CCSER1: variants seen among roughly 807,000 people sequenced by gnomAD.
CCSER1 encodes the protein serine-rich coiled-coil domain-containing protein 1.
In CCSER1, 41 loss-of-function variants were observed where a neutral mutation model predicts 82.0. That is an observed-to-expected ratio of 0.50 (90% CI 0.39 to 0.65). The LOEUF (loss-of-function observed/expected upper bound fraction) is 0.65, where lower values mean the gene tolerates loss of function less well. Ranked by LOEUF, CCSER1 falls within the 30% of genes least tolerant of loss-of-function variation. CCSER1 has a pLI of 0.00. For missense variants in CCSER1, 1,119 were observed against 1,064.2 expected, an observed-to-expected ratio of 1.05 and a Z score of -0.72; for synonymous variants, 414 against 383.9, an observed-to-expected ratio of 1.08 and a Z score of -0.92.
At chr4:90,992,736 C>T (rs10015428) in intron 9 of CCSER1, among the ~76,000 whole-genome samples, 87,922 of 151,714 alleles carry the variant, frequency 0.58, 25,750 homozygotes, top group East Asian at 0.8. Flanking sequence ...CCTCAGCTCC[C>T]AGAGGCCCCT....
At chr4:91,530,432 A>T (rs914258909) in intron 10 of CCSER1, among the ~76,000 whole-genome samples, 1 of 152,114 alleles carries the variant, frequency 6.6e-6, no homozygotes, top group African/African-American at 2.4e-5. Context: ...CTGTTATATT[A>T]TCAAAAATAA....
chr4:90,643,903 C>T (rs144320118), intron 6 of CCSER1, among the ~76,000 whole-genome samples: 1 of 152,008 alleles, frequency 6.6e-6, no homozygotes, highest in Non-Finnish European at 1.5e-5. Context: ...CTTCTCTTTC[C>T]CCCTTAAAAA....
At chr4:90,788,308 G>A (rs1754789026) in intron 7 of CCSER1, among the ~76,000 whole-genome samples, 1 of 152,138 alleles carries the variant, frequency 6.6e-6, no homozygotes, top group Non-Finnish European at 1.5e-5. Context: ...AAAATTATGG[G>A]TGTGTCTATG....
At chr4:91,416,928 T>C (rs1326657040) in intron 10 of CCSER1, among the ~76,000 whole-genome samples, 4 of 151,960 alleles carry the variant, frequency 2.6e-5, no homozygotes, top group African/African-American at 7.3e-5. Flanking sequence ...ACCTACAAAA[T>C]GGGAGAAAAT....
intron 7 of CCSER1, among the ~76,000 whole-genome samples, chr4:90,725,267 T>A (rs1166545848): frequency 1.3e-5 from 2 of 151,752 alleles, no homozygotes; most frequent in African/African-American, 4.8e-5. Flanking sequence ...ATTTTGACAA[T>A]GATTACAGTC....
At chr4:90,286,168 G>A (rs1392869650) in intron 1 of CCSER1, among the ~76,000 whole-genome samples, 1 of 151,824 alleles carries the variant, frequency 6.6e-6, no homozygotes, top group Non-Finnish European at 1.5e-5. Flanking sequence ...TTTGGAAATA[G>A]CCTCTCCTCC....
At chr4:91,492,906 T>C (rs1302091907) in intron 10 of CCSER1, among the ~76,000 whole-genome samples, 1 of 152,060 alleles carries the variant, frequency 6.6e-6, no homozygotes, top group African/African-American at 2.4e-5. Context: ...TCTGGTAGCA[T>C]TGCATGTGTG....
intron 10 of CCSER1, among the ~76,000 whole-genome samples, chr4:91,421,926 A>G (rs997518933): frequency 6.6e-6 from 1 of 152,120 alleles, no homozygotes; most frequent in Non-Finnish European, 1.5e-5. Context: ...AGATAAAGGA[A>G]GCCAGGATCG....
chr4:90,979,859 T>G (rs1411161024), intron 9 of CCSER1, among the ~76,000 whole-genome samples: 1 of 151,810 alleles, frequency 6.6e-6, no homozygotes, highest in Non-Finnish European at 1.5e-5. Flanking sequence ...GTTATTTTGT[T>G]AATGAGGCAT....
chr4:90,553,272 CT>C (rs1194730577), intron 5 of CCSER1, among the ~76,000 whole-genome samples: 5 of 152,120 alleles, frequency 3.3e-5, no homozygotes, highest in Admixed American at 3.3e-4. Flanking sequence ...CTGGCCAACA[CT>C]TTTTTTCAAA....
At chr4:90,276,249 T>TCTTTCTTTCTTC (rs1727653230) in intron 1 of CCSER1, among the ~76,000 whole-genome samples, 4 of 107,010 alleles carry the variant, frequency 3.7e-5, no homozygotes, top group East Asian at 2.7e-4. Flanking sequence ...TTTCTTTCTT[T>TCTTTCTTTCTTC]CTTTCCTTCC....
intron 8 of CCSER1, among the ~76,000 whole-genome samples, chr4:90,893,792 T>TGTGG (rs34693713): frequency 0.26 from 37,187 of 145,338 alleles, 5,484 homozygotes; most frequent in Non-Finnish European, 0.34. Context: ...TGTGTGTGTG[T>TGTGG]GGGGGGTGAA....
chr4:91,600,466 T>G lies in CCSER1; in HGVS notation c.*1409T>G, dbSNP rs1467172901. The G allele has an allele frequency of 6.6e-6, 1 of 152,168 alleles. No individual in the cohort carries two copies. Among genetic ancestry groups the G allele is most frequent in the East Asian group, 1.9e-4 (1 of 5,198 alleles). The allele number at this position is 152,168 out of a possible 1,614,324, so 9.4% of individuals were successfully genotyped here. Reference sequence around the variant, plus strand: ...TGAAACTGTCATACCTACTGCATGATCTGTTTCCCTTGCATTTTCTAACAG... The same window carrying G: ...TGAAACTGTCATACCTACTGCATGAGCTGTTTCCCTTGCATTTTCTAACAG... On this transcript the variant is annotated 3_prime_UTR_variant, in exon 11 of 11. Coordinates refer to ENST00000509176, the MANE Select transcript of CCSER1 (RefSeq NM_001145065.2).
chr4:91,462,643 T>C (rs559440165), intron 10 of CCSER1, among the ~76,000 whole-genome samples: 27 of 152,132 alleles, frequency 1.8e-4, no homozygotes, highest in African/African-American at 6.0e-4. Flanking sequence ...ACTTGGAAAA[T>C]TGGGTCACTC....
chr4:90,325,122 A>G (rs72881611), intron 3 of CCSER1, among the ~76,000 whole-genome samples: 2,935 of 152,206 alleles, frequency 0.019, 69 homozygotes, highest in African/African-American at 0.06. Context: ...TTTGGTTCTT[A>G]TGAATGTGCT....
At chr4:91,021,615 T>A (rs1418515487) in intron 9 of CCSER1, among the ~76,000 whole-genome samples, 2 of 152,184 alleles carry the variant, frequency 1.3e-5, no homozygotes, top group African/African-American at 4.8e-5. Flanking sequence ...ATTTTATGAT[T>A]TTCCATTAAC....
chr4:91,296,464 TATGTATATATATA>T (rs1744176333), intron 10 of CCSER1, among the ~76,000 whole-genome samples: 1 of 50,956 alleles, frequency 2.0e-5, no homozygotes, highest in African/African-American at 7.9e-5. Context: ...TATATATATA[TATGTATATATATA>T]TATATATATT....
intron 10 of CCSER1, among the ~76,000 whole-genome samples, chr4:91,168,826 C>T (rs2148997395): frequency 6.6e-6 from 1 of 152,232 alleles, no homozygotes; most frequent in South Asian, 2.1e-4. Flanking sequence ...AAGAAGTAGA[C>T]ATAGGAGACT....
intron 6 of CCSER1, among the ~76,000 whole-genome samples, chr4:90,699,427 GTT>G (rs773553457): frequency 6.6e-6 from 1 of 152,128 alleles, no homozygotes; most frequent in Non-Finnish European, 1.5e-5. Flanking sequence ...ATCAAGCAAT[GTT>G]AATGGGCAGT....
Sources: gnomAD v4.1 joint callset for allele counts (sites outside exome capture counted in the v4.1 genomes callset) on GRCh38, gnomAD v4.1.1 for gene constraint, MANE v1.5 for transcripts, NCBI Gene and HGNC (gene_info 2026-07-23, HGNC 2026-07-21) for gene names.